Variants in ZNF791 observed in about 807,000 individuals in gnomAD.
The protein encoded by ZNF791 is zinc finger protein 791.
ZNF791 carries 4 observed loss-of-function variants against 11.5 expected under a neutral mutation model. That is an observed-to-expected ratio of 0.35 (90% CI 0.17 to 0.80). ZNF791 has a LOEUF of 0.80. Among genes scored for constraint, ZNF791 ranks in the 30% least tolerant of loss-of-function variants. ZNF791 has a pLI of 0.53. For missense variants in ZNF791, 559 were observed against 699.4 expected, an observed-to-expected ratio of 0.80 and a Z score of 2.26; for synonymous variants, 212 against 228.1, an observed-to-expected ratio of 0.93 and a Z score of 0.64.
intron 1 of ZNF791, among the ~76,000 whole-genome samples, chr19:12,615,481 T>C (rs539025585): frequency 6.6e-6 from 1 of 152,222 alleles, no homozygotes; most frequent in East Asian, 1.9e-4. Context: ...GAACAATATT[T>C]CATCATAAGA....
At chr19:12,625,657 C>T (rs543657988) in intron 3 of ZNF791, among the ~76,000 whole-genome samples, 29 of 149,850 alleles carry the variant, frequency 1.9e-4, no homozygotes, top group African/African-American at 6.8e-4. Flanking sequence ...TGGTGGCACA[C>T]ACCTGTCATC....
chr19:12,620,576 A>G (rs1028708746), intron 1 of ZNF791, among the ~76,000 whole-genome samples: 3 of 152,036 alleles, frequency 2.0e-5, no homozygotes, highest in Non-Finnish European at 4.4e-5. Flanking sequence ...CCTGGAGCCA[A>G]ATTTCTTCCT....
chr19:12,613,490 A>G (rs1234272350), intron 1 of ZNF791, among the ~76,000 whole-genome samples: 1 of 152,108 alleles, frequency 6.6e-6, no homozygotes. Flanking sequence ...CTGAGGCAGG[A>G]GAATGGCGTG....
chr19:12,613,187 G>A (rs1373621745), intron 1 of ZNF791, among the ~76,000 whole-genome samples: 1 of 146,760 alleles, frequency 6.8e-6, no homozygotes, highest in Admixed American at 6.9e-5. Flanking sequence ...CTCGAACTCC[G>A]GACCGCAGGT....
At chr19:12,616,983 G>GGT (rs2145180989) in intron 1 of ZNF791, among the ~76,000 whole-genome samples, 1 of 114,126 alleles carries the variant, frequency 8.8e-6, no homozygotes, top group African/African-American at 2.9e-5. Flanking sequence ...TTTTGTGAAA[G>GGT]GTGTAAGATC....
chr19:12,617,273 G>A (rs1250873691), intron 1 of ZNF791, among the ~76,000 whole-genome samples: 6 of 151,570 alleles, frequency 4.0e-5, no homozygotes, highest in African/African-American at 9.7e-5. Context: ...TTACAGGCAC[G>A]TGCCACCATG....
At chr19:12,626,868 G>T (rs1278435490) in intron 3 of ZNF791, among the ~76,000 whole-genome samples, 1 of 152,144 alleles carries the variant, frequency 6.6e-6, no homozygotes. Context: ...GCCTCCCAAA[G>T]TGCTGGGATT....
Position 12,628,965 on chromosome 19 carries a change from G to A in ZNF791, c.1436G>A (p.Cys479Tyr). 1 of 1,613,866 alleles carries A rather than the reference G, an allele frequency of 6.2e-7. No individual in the cohort carries two copies. The highest frequency in any genetic ancestry group is 8.5e-7 in the Non-Finnish European group (1 of 1,179,934). Residue 479 changes from cysteine to tyrosine, a missense_variant, in exon 4 of 4, where the codon TGT becomes TAT. Transcript: ENST00000343325. ...ECKQCGKAFSCSSYIRIHKRT... is the reference protein window; with the variant it reads ...ECKQCGKAFSYSSYIRIHKRT... ...AAACAATGTGGAAAAGCCTTTAGTT[G>A]TTCTAGTTACATTCGGATACATAAA... is the stretch of plus-strand genomic sequence containing the variant.
intron 1 of ZNF791, among the ~76,000 whole-genome samples, chr19:12,619,516 C>T (rs1226787351): frequency 7.5e-6 from 1 of 132,918 alleles, no homozygotes; most frequent in Non-Finnish European, 1.5e-5. Flanking sequence ...GTGGCGCGAT[C>T]TGGGCTCACT....
At chr19:12,625,523 G>T (rs1405383198) in intron 3 of ZNF791, among the ~76,000 whole-genome samples, 1 of 151,630 alleles carries the variant, frequency 6.6e-6, no homozygotes, top group Admixed American at 6.6e-5. Flanking sequence ...TGTGCCTCAC[G>T]CTTATAATCC....
intron 1 of ZNF791, among the ~76,000 whole-genome samples, chr19:12,622,499 G>GT (rs1180454734): frequency 3.3e-5 from 5 of 149,432 alleles, no homozygotes; most frequent in Non-Finnish European, 1.5e-5. Flanking sequence ...AAATTAGGCT[G>GT]TGGGCTGGGT....
rs538664081 is a variant in ZNF791, at chr19:12,631,511, C to T, written c.*2251C>T. The stretch of plus-strand genomic sequence containing the variant: ...CTTTGGGAGGCCAAGGCAGGCAGAT[C>T]ACCTGAGGTCAGGAGTTCGAGACCA... On this transcript the variant is annotated 3_prime_UTR_variant, in exon 4 of 4. Coordinates refer to ENST00000343325, the MANE Select transcript of ZNF791 (RefSeq NM_153358.3). The T allele has an allele frequency of 6.6e-6, 1 of 152,392 alleles. No individual in the cohort carries two copies. The highest frequency in any genetic ancestry group is 1.9e-4 in the East Asian group (1 of 5,188). The allele number at this position is 152,392 out of a possible 1,614,324, so 9.4% of individuals were successfully genotyped here.
chr19:12,617,129 T>TTA, intron 1 of ZNF791, among the ~76,000 whole-genome samples: 1 of 142,866 alleles, frequency 7.0e-6, no homozygotes, highest in South Asian at 2.1e-4. Context: ...TTTTTCTTCT[T>TTA]TTTTTTTTTT....
intron 1 of ZNF791, among the ~76,000 whole-genome samples, chr19:12,614,006 T>G (rs1054205875): frequency 6.6e-6 from 1 of 152,192 alleles, no homozygotes; most frequent in Non-Finnish European, 1.5e-5. Flanking sequence ...TCAGGACTTA[T>G]GTTTCCTAGA....
chr19:12,623,571 A>G, intron 1 of ZNF791, 129 bp from the exon 2 acceptor site: 2 of 1,207,532 alleles, frequency 1.7e-6, no homozygotes, highest in East Asian at 2.4e-5. Context: ...GTGCTGTTAC[A>G]TTTCTAACAA....
chr19:12,617,913 CTTT>C (rs958944041), intron 1 of ZNF791, among the ~76,000 whole-genome samples: 7 of 94,698 alleles, frequency 7.4e-5, no homozygotes, highest in Admixed American at 2.2e-4. Flanking sequence ...CTAAATTTTG[CTTT>C]TTTTTTTTTT....
chr19:12,623,607 G>T, intron 1 of ZNF791, 93 bp from the exon 2 acceptor site: 1 of 1,547,088 alleles, frequency 6.5e-7, no homozygotes, highest in South Asian at 1.2e-5. Flanking sequence ...AATGTTTGGA[G>T]ACCACAAAAT....
rs772198784 is a variant in ZNF791 at position 12,629,033 on chromosome 19, G to A, written c.1504G>A (p.Gly502Arg). 26 of 1,613,000 alleles carry A rather than the reference G, an allele frequency of 1.6e-5. No individual in the cohort carries two copies. The highest frequency in any genetic ancestry group is 1.2e-5 in the Non-Finnish European group (14 of 1,179,732). Reference sequence around the variant, plus strand: ...GAAACCTTATGAATGTAAGGAATGCGGGAAGGCCTTTATTTATCCCACAAG... The same window carrying A: ...GAAACCTTATGAATGTAAGGAATGCAGGAAGGCCTTTATTTATCCCACAAG... ...GEKPYECKEC[G>R]KAFIYPTSFQ... Residue 502 changes from glycine (G) to arginine (R), a missense_variant, in exon 4 of 4, where the codon GGG (glycine) becomes AGG (arginine). Physicochemically the swap from Gly to Arg is moderately radical, Grantham distance 125. Transcript: ENST00000343325.
At chr19:12,613,577 T>C (rs1354552610) in intron 1 of ZNF791, among the ~76,000 whole-genome samples, 5 of 151,802 alleles carry the variant, frequency 3.3e-5, no homozygotes, top group Non-Finnish European at 7.4e-5. Context: ...TGAGACTCCA[T>C]CTCAAAACAA....
Sources: allele counts gnomAD v4.1 joint callset (sites outside exome capture counted in the v4.1 genomes callset), GRCh38; gene constraint gnomAD v4.1.1; transcripts MANE v1.5; gene names NCBI Gene and HGNC (gene_info 2026-07-23, HGNC 2026-07-21).